ERMP1: variants seen among roughly 807,000 people sequenced by gnomAD.
ERMP1 encodes the protein endoplasmic reticulum metallopeptidase 1, also known as Felix-ina.
A neutral mutation model predicts 92.0 loss-of-function variants in ERMP1; 86 were observed. That is an observed-to-expected ratio of 0.93 (90% confidence interval 0.79 to 1.12). The LOEUF (loss-of-function observed/expected upper bound fraction) is 1.12, where lower values mean the gene tolerates loss of function less well. ERMP1 is among the 50% of genes most tolerant of loss of function. ERMP1 has a pLI of 0.00. For synonymous variants in ERMP1, 530 were observed against 412.8 expected (o/e 1.28, Z -3.44); for missense variants, 1,342 against 1,116.3 (o/e 1.20, Z -2.88).
At chr9:5,800,275 A>C (rs1489928852) in intron 11 of ERMP1, among the ~76,000 whole-genome samples, 1 of 152,202 alleles carries the variant, frequency 6.6e-6, no homozygotes, top group African/African-American at 2.4e-5. Context: ...ACAATTTAGA[A>C]AAACTAACAA....
Position 5,798,849 on chromosome 9 carries a change from G to A in ERMP1, c.2227C>T (p.Leu743Phe). 1 of 1,613,890 alleles carries A rather than the reference G, an allele frequency of 6.2e-7. No homozygotes were observed. The highest frequency in any genetic ancestry group is 8.5e-7 in the Non-Finnish European group (1 of 1,179,862). The change falls in exon 12 of 15, where the codon CTT becomes TTT. Residue 743 changes from leucine to phenylalanine, a missense_variant. Physicochemically the swap from Leu to Phe is conservative, Grantham distance 22. Coordinates refer to ENST00000339450, the MANE Select transcript of ERMP1 (RefSeq NM_024896.3). ...GGAAGATACCAAGGAAAACCACAAA[G>A]AGGTGCATTCTCCTCACAGTGAGCT... ...IRAHCEENAPLCGFPWYLPVH... is the reference protein window; with the variant it reads ...IRAHCEENAPFCGFPWYLPVH...
intron 6 of ERMP1, among the ~76,000 whole-genome samples, chr9:5,851,293 G>T (rs896682750): frequency 2.0e-5 from 3 of 152,058 alleles, no homozygotes; most frequent in Admixed American, 6.5e-5. Flanking sequence ...TTATTTTCCT[G>T]TCATAGCTTT....
intron 8 of ERMP1, 31 bp downstream of exon 8, chr9:5,809,979 GA>G: frequency 1.4e-6 from 2 of 1,453,864 alleles, no homozygotes; most frequent in Non-Finnish European, 1.9e-6. Context: ...GGAGGCAACA[GA>G]AAGAAATCAA....
intron 2 of ERMP1, among the ~76,000 whole-genome samples, chr9:5,829,219 CAAAAAA>C (rs546458492): frequency 1.8e-5 from 1 of 56,400 alleles, no homozygotes. Context: ...GCCCCCCAGC[CAAAAAA>C]AAAAAAAAAA....
At chr9:5,813,782 T>A (rs192945358) in intron 4 of ERMP1, among the ~76,000 whole-genome samples, 120 of 151,202 alleles carry the variant, frequency 7.9e-4, no homozygotes, top group African/African-American at 2.9e-3. Context: ...ATTTTCCATC[T>A]GTATCTCATA....
At chr9:5,809,968 T>G in intron 8 of ERMP1, 43 bp downstream of exon 8, 1 of 1,345,984 alleles carries the variant, frequency 7.4e-7, no homozygotes. Context: ...CTTCAGTCCC[T>G]GGAGGCAACA....
intron 1 of ERMP1, 122 bp from the exon 2 acceptor site, chr9:5,831,150 G>T (rs1289607483): frequency 1.5e-6 from 1 of 671,528 alleles, no homozygotes; most frequent in African/African-American, 1.8e-5. Flanking sequence ...TATATAAAAG[G>T]GACCGCCTTT....
At chr9:5,826,555 G>T (rs141964454) in intron 2 of ERMP1, among the ~76,000 whole-genome samples, 348 of 151,994 alleles carry the variant, frequency 2.3e-3, no homozygotes, top group Non-Finnish European at 3.8e-3. Context: ...ATGCTTGTTT[G>T]GGCTCTGTTA....
intron 12 of ERMP1, 48 bp from the exon 13 acceptor site, chr9:5,797,980 G>A (rs775841720): frequency 1.7e-6 from 2 of 1,143,528 alleles, no homozygotes; most frequent in African/African-American, 1.5e-5. Context: ...TTATTTGATG[G>A]CTATCTGTAA....
chr9:5,831,416 G>A (rs1406143370), intron 1 of ERMP1, among the ~76,000 whole-genome samples: 1 of 152,006 alleles, frequency 6.6e-6, no homozygotes, highest in East Asian at 1.9e-4. Context: ...GACCAGCCTG[G>A]GCAACATGGT....
At chr9:5,859,886 C>G (rs1830438085) in intron 5 of ERMP1, among the ~76,000 whole-genome samples, 1 of 152,178 alleles carries the variant, frequency 6.6e-6, no homozygotes, top group Admixed American at 6.5e-5. Context: ...TAAATTTAAA[C>G]ACAGCCTTAG....
chr9:5,841,873 C>G (rs1048546326), intron 6 of ERMP1, among the ~76,000 whole-genome samples: 1 of 152,118 alleles, frequency 6.6e-6, no homozygotes, highest in South Asian at 2.1e-4. Context: ...GAGTTTCTTC[C>G]TTGTGGTGGG....
At chr9:5,814,418 A>G (rs189345511) in intron 4 of ERMP1, among the ~76,000 whole-genome samples, 1 of 152,292 alleles carries the variant, frequency 6.6e-6, no homozygotes, top group East Asian at 1.9e-4. Flanking sequence ...TTTTAACTTC[A>G]CAGATTATAA....
At chr9:5,832,352 C>A (rs890734293) in intron 1 of ERMP1, 2 of 283,384 alleles carry the variant, frequency 7.1e-6, no homozygotes, top group South Asian at 2.2e-4. Context: ...AGCAGAAGGG[C>A]TAAGCAAGGT....
Position 5,797,813 on chromosome 9 carries a change from T to G in ERMP1, c.2386+4A>C, listed in dbSNP as rs946717693. ...AGGGGAGAAAAAACTATTATATGAC[T>G]TACCTGTTGCTTCAAAAGTCAATTT... On this transcript the variant is annotated splice_donor_region_variant and intron_variant, in intron 13 of 14. Transcript: ENST00000339450. 2 of 1,553,790 alleles carry G rather than the reference T, an allele frequency of 1.3e-6. No homozygotes were observed. Among genetic ancestry groups the G allele is most frequent in the Admixed American group, 1.8e-5 (1 of 56,024 alleles).
intron 2 of ERMP1, among the ~76,000 whole-genome samples, chr9:5,828,503 A>AC (rs1829812737): frequency 6.6e-6 from 1 of 152,176 alleles, no homozygotes; most frequent in Non-Finnish European, 1.5e-5. Context: ...CACTTTACTA[A>AC]CTAACCTTTC....
At chr9:5,828,482 A>C (rs1392215823) in intron 2 of ERMP1, among the ~76,000 whole-genome samples, 1 of 152,220 alleles carries the variant, frequency 6.6e-6, no homozygotes, top group Non-Finnish European at 1.5e-5. Context: ...GCACAAAAGG[A>C]ATCTATATAA....
chr9:5,821,810 C>G (rs1829546789), intron 4 of ERMP1, among the ~76,000 whole-genome samples: 1 of 152,218 alleles, frequency 6.6e-6, no homozygotes, highest in Non-Finnish European at 1.5e-5. Context: ...GGAAAATACA[C>G]AGACACACTC....
intron 13 of ERMP1, among the ~76,000 whole-genome samples, chr9:5,790,424 T>A (rs1312628473): frequency 6.6e-6 from 1 of 152,032 alleles, no homozygotes; most frequent in African/African-American, 2.4e-5. Flanking sequence ...CTGTGACAAC[T>A]GAGGCCAAAT....
Sources: gnomAD v4.1 joint callset for allele counts (sites outside exome capture counted in the v4.1 genomes callset) on GRCh38, gnomAD v4.1.1 for gene constraint, MANE v1.5 for transcripts, NCBI Gene and HGNC (gene_info 2026-07-23, HGNC 2026-07-21) for gene names.